Variants in ARHGEF11 observed in about 807,000 individuals in gnomAD.
ARHGEF11 encodes Rho guanine exchange factor (GEF) 11.
ARHGEF11 carries 55 observed loss-of-function variants against 193.7 expected under a neutral mutation model. The observed-to-expected ratio is 0.28, with a 90% CI of 0.23 to 0.36. The LOEUF is 0.36. Among genes scored for constraint, ARHGEF11 ranks in the 10% least tolerant of loss-of-function variants. The pLI is 1.00. For synonymous variants in ARHGEF11, 693 were observed against 768.0 expected, an observed-to-expected ratio of 0.90 and a Z score of 1.62; for missense variants, 1,723 against 2,005.6, an observed-to-expected ratio of 0.86 and a Z score of 2.69.
At chr1:156,950,102 TACG>T (rs1037008419) in intron 22 of ARHGEF11, among the ~76,000 whole-genome samples, 7 of 152,216 alleles carry the variant, frequency 4.6e-5, no homozygotes, top group South Asian at 2.1e-4. Context: ...TTGATATATC[TACG>T]ACATCATGTG....
chr1:157,009,956 C>T (rs1373805726), intron 1 of ARHGEF11, among the ~76,000 whole-genome samples: 1 of 152,130 alleles, frequency 6.6e-6, no homozygotes, highest in Non-Finnish European at 1.5e-5. Flanking sequence ...TTCAATCTCA[C>T]CCTTCCCTCA....
rs1186528042 is a variant in ARHGEF11 at position 156,934,957 on chromosome 1, A to ATATATATATTTATATATATATATATG, written c.*1017_*1042dup. 2.2e-4 allele frequency: 33 copies of ATATATATATTTATATATATATATATG among 148,172 alleles called. No individual in the cohort carries two copies. The highest frequency in any genetic ancestry group is 7.1e-4 in the African/African-American group (29 of 40,736). The allele number at this position is 148,172 out of a possible 1,614,324, so 9.2% of individuals were successfully genotyped here. ...TTTCCATATCTATATTTTATATATT[A>ATATATATATTTATATATATATATATG]TATATATATTTATATATATATATAT... On this transcript the variant is annotated 3_prime_UTR_variant, in exon 41 of 41. Coordinates refer to ENST00000368194, the MANE Select transcript of ARHGEF11 (RefSeq NM_198236.3).
At chr1:157,023,528 G>A (rs1288687483) in intron 1 of ARHGEF11, among the ~76,000 whole-genome samples, 3 of 152,202 alleles carry the variant, frequency 2.0e-5, no homozygotes, top group Non-Finnish European at 4.4e-5. Flanking sequence ...CACTTTGGGA[G>A]GCCAAGGCGG....
chr1:156,988,818 A>C (rs1665305205), intron 1 of ARHGEF11, among the ~76,000 whole-genome samples: 1 of 152,096 alleles, frequency 6.6e-6, no homozygotes, highest in African/African-American at 2.4e-5. Context: ...TTTTTTTCTG[A>C]GAGCTTAAAG....
chr1:156,943,663 T>C (rs1468215323), intron 32 of ARHGEF11, among the ~76,000 whole-genome samples: 4 of 152,154 alleles, frequency 2.6e-5, no homozygotes, highest in Non-Finnish European at 5.9e-5. Context: ...CTCTCACCCA[T>C]CCTGGGTGTG....
intron 1 of ARHGEF11, among the ~76,000 whole-genome samples, chr1:156,995,174 T>C (rs1027191822): frequency 6.6e-6 from 1 of 152,212 alleles, no homozygotes; most frequent in Non-Finnish European, 1.5e-5. Flanking sequence ...ATGTCTACTC[T>C]AGCCCCTACC....
chr1:157,026,144 C>G (rs776956065), intron 1 of ARHGEF11, among the ~76,000 whole-genome samples: 1 of 152,272 alleles, frequency 6.6e-6, no homozygotes, highest in South Asian at 2.1e-4. Context: ...GCGGCAGATA[C>G]CAGCAGAGTC....
Position 156,951,637 on chromosome 1 carries a change from G to C in ARHGEF11, c.1861C>G (p.Pro621Ala), listed in dbSNP as rs368035698. Residue 621 changes from proline (P) to alanine (A), a missense_variant, in exon 22 of 41, where the codon CCA (proline) becomes GCA (alanine). Pro to Ala is a conservative substitution (Grantham distance 27). This residue lies in a region of ARHGEF11 where 491 missense variants were observed against 654.5 expected (regional missense o/e 0.75). Coordinates refer to ENST00000368194, the MANE Select transcript of ARHGEF11 (RefSeq NM_198236.3). ...GAGAGTCGTTGTGTCCCAGGTTCTG[G>C]GGCATCATACTGCTGGTTGTTCTCA... ...HFENNQQYDA[P>A]EPGTQRLSTG... The C allele has an allele frequency of 6.2e-7, 1 of 1,614,162 alleles. No individual in the cohort carries two copies. Among genetic ancestry groups the C allele is most frequent in the Admixed American group, 1.7e-5 (1 of 60,016 alleles).
chr1:157,000,252 C>T (rs1977686), intron 1 of ARHGEF11, among the ~76,000 whole-genome samples: 35,957 of 152,186 alleles, frequency 0.24, 4,521 homozygotes, highest in East Asian at 0.44. Flanking sequence ...TATGATCCAC[C>T]GTGCCCGGCC....
At chr1:156,973,159 C>T (rs1462227968) in intron 7 of ARHGEF11, among the ~76,000 whole-genome samples, 1 of 152,104 alleles carries the variant, frequency 6.6e-6, no homozygotes, top group Non-Finnish European at 1.5e-5. Context: ...GAACTCTTGG[C>T]CTCAAGTGAT....
intron 1 of ARHGEF11, among the ~76,000 whole-genome samples, chr1:157,026,279 T>C (rs1670627435): frequency 6.6e-6 from 1 of 152,238 alleles, no homozygotes; most frequent in South Asian, 2.1e-4. Context: ...TCCTGTCCTT[T>C]TGCCCATTCT....
Position 156,944,251 on chromosome 1 carries a change from C to T in ARHGEF11, c.3067+107G>A. On this transcript the variant is annotated intron_variant, in intron 31 of 40. Transcript: ENST00000368194. ...TCTCTGATTATTCCCTTCCCATGTCCTGAGCTATCACCTCCAGTCATGTTT... is the reference window on the plus strand; with the variant it reads ...TCTCTGATTATTCCCTTCCCATGTCTTGAGCTATCACCTCCAGTCATGTTT... 3 of 1,456,288 alleles carry T rather than the reference C, an allele frequency of 2.1e-6. No individual in the cohort carries two copies. In the East Asian group the frequency reaches 6.8e-5, roughly 33 times the overall value. 90.2% of individuals were successfully genotyped at this position (1,456,288 alleles called of 1,614,324 possible).
intron 1 of ARHGEF11, among the ~76,000 whole-genome samples, chr1:156,991,098 T>C (rs1479217286): frequency 2.6e-5 from 4 of 152,216 alleles, no homozygotes; most frequent in Admixed American, 1.3e-4. Context: ...CCTTTTCTCA[T>C]ATTGAGAACC....
intron 1 of ARHGEF11, among the ~76,000 whole-genome samples, chr1:157,008,901 C>T (rs1049612342): frequency 3.9e-5 from 6 of 152,346 alleles, no homozygotes; most frequent in Admixed American, 3.9e-4. Context: ...CTAAGTCCTA[C>T]TTCATTCCTT....
rs1271650700 is a variant in ARHGEF11 at position 156,978,078 on chromosome 1, T to C, written c.510+126A>G. On this transcript the variant is annotated intron_variant, in intron 6 of 40. Coordinates refer to ENST00000368194, the MANE Select transcript of ARHGEF11 (RefSeq NM_198236.3). ...TTTTTGTTCAACTCTTTCAATGGTCTTTCATATGTCTTTTGGCTTGTCTCT... is the reference window on the plus strand; with the variant it reads ...TTTTTGTTCAACTCTTTCAATGGTCCTTCATATGTCTTTTGGCTTGTCTCT... 8 of 1,405,088 alleles carry C rather than the reference T, an allele frequency of 5.7e-6. No homozygotes were observed. In the East Asian group the frequency reaches 1.2e-4, roughly 22 times the overall value. 87.0% of individuals were successfully genotyped at this position (1,405,088 alleles called of 1,614,324 possible).
intron 1 of ARHGEF11, among the ~76,000 whole-genome samples, chr1:157,031,061 A>C (rs1671245458): frequency 6.6e-6 from 1 of 152,048 alleles, no homozygotes; most frequent in Admixed American, 6.6e-5. Flanking sequence ...GGTCTTATAA[A>C]ATTCATTTAT....
intron 1 of ARHGEF11, among the ~76,000 whole-genome samples, chr1:157,019,639 T>C (rs569505848): frequency 6.6e-6 from 1 of 152,294 alleles, no homozygotes; most frequent in South Asian, 2.1e-4. Context: ...GGTGAACAGA[T>C]ACACAAATTA....
chr1:157,027,117 C>T (rs1367851693), intron 1 of ARHGEF11, among the ~76,000 whole-genome samples: 1 of 152,206 alleles, frequency 6.6e-6, no homozygotes, highest in East Asian at 1.9e-4. Flanking sequence ...CAGTGGCTCA[C>T]ACCTGTAATC....
At chr1:156,944,337 T>G in intron 31 of ARHGEF11, 21 bp downstream of exon 31, 1 of 1,610,742 alleles carries the variant, frequency 6.2e-7, no homozygotes, top group Non-Finnish European at 8.5e-7. Context: ...TCCTGCTCAG[T>G]CCCAGTCCCC....
Sources: gnomAD v4.1 joint callset for allele counts (sites outside exome capture counted in the v4.1 genomes callset) on GRCh38, gnomAD v4.1.1 for gene constraint, gnomAD v4.1.1 regional missense constraint, MANE v1.5 for transcripts, NCBI Gene and HGNC (gene_info 2026-07-23, HGNC 2026-07-21) for gene names.